EBF1: variants seen among roughly 807,000 people sequenced by gnomAD.
The protein encoded by EBF1 is transcription factor COE1.
Under a neutral mutation model 68.4 loss-of-function variants are expected in EBF1, and 10 were observed. The observed-to-expected ratio is 0.15, with a 90% CI of 0.09 to 0.25. EBF1 has a LOEUF of 0.25. Among genes scored for constraint, EBF1 ranks in the 10% least tolerant of loss-of-function variants. The pLI is 1.00. For missense variants in EBF1, 509 were observed against 794.4 expected (o/e 0.64, Z 4.32); for synonymous variants, 298 against 299.8 (o/e 0.99, Z 0.06).
At chr5:158,970,453 C>A (rs770658052) in intron 6 of EBF1, among the ~76,000 whole-genome samples, 17 of 152,036 alleles carry the variant, frequency 1.1e-4, no homozygotes, top group Non-Finnish European at 7.4e-5. Context: ...ATAAAATAAC[C>A]CAGTTTGTTT....
intron 11 of EBF1, among the ~76,000 whole-genome samples, chr5:158,728,612 C>T (rs1405747181): frequency 6.6e-6 from 1 of 152,178 alleles, no homozygotes; most frequent in African/African-American, 2.4e-5. Context: ...GTCACCCAGG[C>T]TGGAGTGCAA....
chr5:158,817,778 A>T (rs1170930550), intron 8 of EBF1, among the ~76,000 whole-genome samples: 1 of 152,056 alleles, frequency 6.6e-6, no homozygotes, highest in Non-Finnish European at 1.5e-5. Context: ...TCTCCTCTCT[A>T]TTCACATCAT....
chr5:158,815,318 A>T (rs1386153748), intron 8 of EBF1, among the ~76,000 whole-genome samples: 1 of 152,176 alleles, frequency 6.6e-6, no homozygotes, highest in Non-Finnish European at 1.5e-5. Flanking sequence ...CCTAAGGTCA[A>T]ATTCCAGGTC....
At chr5:158,975,952 C>T (rs1033488421) in intron 6 of EBF1, among the ~76,000 whole-genome samples, 7 of 152,120 alleles carry the variant, frequency 4.6e-5, no homozygotes, top group African/African-American at 1.7e-4. Context: ...AAGTTAAGTC[C>T]CTAATAGTTA....
At chr5:158,991,247 T>C (rs1760264979) in intron 6 of EBF1, among the ~76,000 whole-genome samples, 1 of 152,236 alleles carries the variant, frequency 6.6e-6, no homozygotes, top group African/African-American at 2.4e-5. Flanking sequence ...AAATGGAGGC[T>C]ATCATTCATT....
intron 13 of EBF1, among the ~76,000 whole-genome samples, chr5:158,712,629 A>G (rs1030542581): frequency 6.6e-6 from 1 of 152,196 alleles, no homozygotes; most frequent in Non-Finnish European, 1.5e-5. Context: ...TAAGAGATGT[A>G]CCCTGGAGTT....
intron 6 of EBF1, among the ~76,000 whole-genome samples, chr5:158,887,724 T>G (rs1478177420): frequency 6.6e-6 from 1 of 152,242 alleles, no homozygotes; most frequent in African/African-American, 2.4e-5. Context: ...CTCCTCTATT[T>G]ATTTTCACTT....
chr5:158,863,049 C>T (rs1456246512), intron 6 of EBF1, among the ~76,000 whole-genome samples: 3 of 152,176 alleles, frequency 2.0e-5, no homozygotes, highest in Admixed American at 1.3e-4. Context: ...CCACCATTTA[C>T]AATTTGGCAC....
chr5:159,092,886 A>T, intron 4 of EBF1, among the ~76,000 whole-genome samples: 1 of 152,216 alleles, frequency 6.6e-6, no homozygotes, highest in East Asian at 1.9e-4. Flanking sequence ...TATGAGGAAG[A>T]ATTTCACAGG....
At chr5:158,927,652 A>AT (rs767427964) in intron 6 of EBF1, among the ~76,000 whole-genome samples, 7 of 152,216 alleles carry the variant, frequency 4.6e-5, no homozygotes, top group African/African-American at 7.2e-5. Flanking sequence ...AAATATTGGC[A>AT]GCCAAGTTCC....
chr5:158,996,304 T>C (rs1761404682), intron 6 of EBF1, among the ~76,000 whole-genome samples: 1 of 152,216 alleles, frequency 6.6e-6, no homozygotes, highest in Non-Finnish European at 1.5e-5. Context: ...GCATGTAATG[T>C]CTTAATATAC....
intron 4 of EBF1, among the ~76,000 whole-genome samples, chr5:159,090,873 G>A (rs1035206961): frequency 1.3e-5 from 2 of 151,902 alleles, no homozygotes; most frequent in African/African-American, 2.4e-5. Context: ...TGTACCAGTC[G>A]CTGTTCTAAG....
rs1782625964 is a variant in EBF1 at position 159,096,478 on chromosome 5, T to G, written c.292-72A>C. The G allele has an allele frequency of 5.2e-6, 8 of 1,545,824 alleles. No individual in the cohort carries two copies. The Admixed American group carries it at 1.3e-4, about 26-fold the overall frequency. On this transcript the variant is annotated intron_variant, in intron 2 of 15. Transcript: ENST00000313708. ...TCTGCGTGAGCGAGTGGACCAACTT[T>G]CGAGGCAACTTTCCCCAAGCCGGGA...
chr5:158,709,679 G>A (rs970367188), intron 14 of EBF1, among the ~76,000 whole-genome samples: 1 of 152,180 alleles, frequency 6.6e-6, no homozygotes, highest in Admixed American at 6.5e-5. Flanking sequence ...AGAATGCAGA[G>A]CCACCATCCT....
At chr5:158,982,045 G>A (rs2127587745) in intron 6 of EBF1, among the ~76,000 whole-genome samples, 1 of 152,198 alleles carries the variant, frequency 6.6e-6, no homozygotes, top group East Asian at 1.9e-4. Context: ...CCCACTATGT[G>A]CTTAAAATGG....
At chr5:158,786,014 C>T (rs559701912) in intron 9 of EBF1, among the ~76,000 whole-genome samples, 1 of 152,110 alleles carries the variant, frequency 6.6e-6, no homozygotes, top group African/African-American at 2.4e-5. Flanking sequence ...AATACTTGAA[C>T]ATTGAATGAA....
At chr5:158,883,299 T>C (rs957434606) in intron 6 of EBF1, among the ~76,000 whole-genome samples, 5 of 151,874 alleles carry the variant, frequency 3.3e-5, no homozygotes, top group African/African-American at 4.8e-5. Context: ...TACAGGAACA[T>C]ATATATACAT....
At chr5:158,777,144 C>CT (rs1333187747) in intron 10 of EBF1, among the ~76,000 whole-genome samples, 1 of 152,174 alleles carries the variant, frequency 6.6e-6, no homozygotes, top group Non-Finnish European at 1.5e-5. Flanking sequence ...AGCTACACCT[C>CT]TTTCCCCTTC....
At chr5:159,099,229 C>CCGCT in intron 1 of EBF1, 116 bp downstream of exon 1, 1 of 790,952 alleles carries the variant, frequency 1.3e-6, no homozygotes. Flanking sequence ...GCAGCGGCTG[C>CCGCT]GGACTCACCC....
Sources: allele counts gnomAD v4.1 joint callset (sites outside exome capture counted in the v4.1 genomes callset), GRCh38; gene constraint gnomAD v4.1.1; transcripts MANE v1.5; gene names NCBI Gene and HGNC (gene_info 2026-07-23, HGNC 2026-07-21).